PPM1H: variants seen among roughly 807,000 people sequenced by gnomAD.
PPM1H encodes the protein protein phosphatase, Mg2+/Mn2+ dependent 1H.
In PPM1H, 27 loss-of-function variants were observed where a neutral mutation model predicts 54.9. The ratio of observed to expected loss-of-function variants is 0.49; its 90% CI spans 0.36 to 0.68. PPM1H has a LOEUF of 0.68. PPM1H is among the 30% of genes least tolerant of loss of function. The probability of loss-of-function intolerance (pLI) is 0.00; values close to 1 mark genes in which losing one functional copy is unlikely to be tolerated. For missense variants in PPM1H, 596 were observed against 667.8 expected (o/e 0.89, Z 1.19); for synonymous variants, 305 against 270.8 (o/e 1.13, Z -1.24).
At chr12:62,670,392 A>T (rs1308709730) in intron 8 of PPM1H, among the ~76,000 whole-genome samples, 1 of 152,206 alleles carries the variant, frequency 6.6e-6, no homozygotes, top group African/African-American at 2.4e-5. Context: ...TCTCAATCTT[A>T]TGCTTGCAGT....
At chr12:62,740,848 T>C (rs933748315) in intron 4 of PPM1H, among the ~76,000 whole-genome samples, 3 of 152,204 alleles carry the variant, frequency 2.0e-5, no homozygotes, top group Admixed American at 6.5e-5. Flanking sequence ...CAGGGCCCTG[T>C]GTGGTGCACA....
chr12:62,811,029 T>G (rs757091947), intron 2 of PPM1H, among the ~76,000 whole-genome samples: 1 of 152,198 alleles, frequency 6.6e-6, no homozygotes, highest in Non-Finnish European at 1.5e-5. Context: ...ACAAGTGTGA[T>G]GAATGTTAGA....
chr12:62,852,590 T>C (rs1292680448), intron 1 of PPM1H, among the ~76,000 whole-genome samples: 1 of 152,216 alleles, frequency 6.6e-6, no homozygotes, highest in Non-Finnish European at 1.5e-5. Flanking sequence ...GAATTGATAA[T>C]TGGAAAATAA....
chr12:62,833,809 T>C (rs551793265), intron 1 of PPM1H, among the ~76,000 whole-genome samples: 2 of 152,226 alleles, frequency 1.3e-5, no homozygotes, highest in South Asian at 4.1e-4. Flanking sequence ...TTCCCATCTG[T>C]ACATGTGATC....
chr12:62,753,042 G>T (rs1565778401), intron 4 of PPM1H, among the ~76,000 whole-genome samples: 1 of 151,960 alleles, frequency 6.6e-6, no homozygotes, highest in Non-Finnish European at 1.5e-5. Flanking sequence ...ATGAGGTCAG[G>T]GCTAAAAAAG....
chr12:62,659,268 G>GC (rs2075866912), intron 9 of PPM1H: 2 of 14,046 alleles, frequency 1.4e-4, no homozygotes, highest in Non-Finnish European at 2.9e-4. Flanking sequence ...CGTAAAAACT[G>GC]CAAAAAAAAA....
At chr12:62,654,640 T>C (rs897993179) in intron 9 of PPM1H, among the ~76,000 whole-genome samples, 10 of 152,230 alleles carry the variant, frequency 6.6e-5, no homozygotes, top group African/African-American at 2.4e-4. Context: ...CCTCGGTCTC[T>C]CACTCTGCCT....
At chr12:62,658,915 G>A in intron 9 of PPM1H, 3 of 670,740 alleles carry the variant, frequency 4.5e-6, no homozygotes, top group African/African-American at 1.8e-5. Flanking sequence ...TCAAAATTAA[G>A]CGTAACTGGC....
chr12:62,644,577 C>A lies in PPM1H; in HGVS notation c.*3912G>T, dbSNP rs2075774818. ...GTGGATTCGAAAGAGCAGTCCTCTGCAGACCGGCACTCCATCTGACAAAAG... is the reference window on the plus strand; with the variant it reads ...GTGGATTCGAAAGAGCAGTCCTCTGAAGACCGGCACTCCATCTGACAAAAG... On this transcript the variant is annotated 3_prime_UTR_variant, in exon 10 of 10. Transcript: ENST00000228705. 1 of 152,240 alleles carries A rather than the reference C, an allele frequency of 6.6e-6. No homozygotes were observed. Among genetic ancestry groups the A allele is most frequent in the African/African-American group, 2.4e-5 (1 of 41,464 alleles). 9.4% of individuals were successfully genotyped at this position (152,240 alleles called of 1,614,324 possible). A position where few individuals can be genotyped will look rare whatever the true frequency, so the allele number is the denominator to read the frequency against.
chr12:62,831,695 C>T (rs554944875), intron 2 of PPM1H, among the ~76,000 whole-genome samples: 1 of 138,586 alleles, frequency 7.2e-6, no homozygotes, highest in Admixed American at 7.1e-5. Flanking sequence ...AACCGTCAAA[C>T]ATTGTGTGTG....
intron 8 of PPM1H, among the ~76,000 whole-genome samples, chr12:62,668,494 G>GCCTCCC (rs1023269987): frequency 1.4e-4 from 21 of 152,288 alleles, no homozygotes; most frequent in African/African-American, 4.6e-4. Flanking sequence ...TCCCGCTTCA[G>GCCTCCC]CCTCCCAAGT....
chr12:62,776,625 A>G (rs1393863861), intron 4 of PPM1H, among the ~76,000 whole-genome samples: 2 of 152,204 alleles, frequency 1.3e-5, no homozygotes, highest in Admixed American at 6.5e-5. Flanking sequence ...AGCCCCTTCC[A>G]CAAATGGGAA....
At position 62,934,787 on chromosome 12, in the gene PPM1H, G is replaced by A. The variant is rs1872272961; in HGVS notation, c.-51C>T. 1.4e-6 allele frequency: 2 copies of A among 1,431,326 alleles called. No individual in the cohort carries two copies. Among genetic ancestry groups the A allele is most frequent in the Non-Finnish European group, 1.8e-6 (2 of 1,090,078 alleles). The allele number at this position is 1,431,326 out of a possible 1,614,324, so 88.7% of individuals were successfully genotyped here. A position where few individuals can be genotyped will look rare whatever the true frequency, so the allele number is the denominator to read the frequency against. Reference sequence around the variant, plus strand: ...GTGCGAGCAGGAGGCGGCGGGGGCCGGGCAAGGCGCAGCGCGGGGCATGCA... The same window carrying A: ...GTGCGAGCAGGAGGCGGCGGGGGCCAGGCAAGGCGCAGCGCGGGGCATGCA... On this transcript the variant is annotated 5_prime_UTR_variant, in exon 1 of 10. Coordinates refer to ENST00000228705, the MANE Select transcript of PPM1H (RefSeq NM_020700.2). This position sits in a 1 kb window ranked among gnomAD's most constrained non-coding sequence, Gnocchi z 4.2.
chr12:62,898,915 C>T (rs1250440491), intron 1 of PPM1H, among the ~76,000 whole-genome samples: 2 of 152,072 alleles, frequency 1.3e-5, no homozygotes, highest in Non-Finnish European at 2.9e-5. Flanking sequence ...GAGAAGCAGC[C>T]GTCCACTGGG....
At chr12:62,883,073 C>A (rs1002146180) in intron 1 of PPM1H, among the ~76,000 whole-genome samples, 12 of 152,192 alleles carry the variant, frequency 7.9e-5, no homozygotes, top group African/African-American at 2.9e-4. Context: ...ATGTATACTT[C>A]TTGAGGTCAG....
intron 3 of PPM1H, among the ~76,000 whole-genome samples, chr12:62,795,016 A>G (rs1417890278): frequency 6.6e-6 from 1 of 152,130 alleles, no homozygotes; most frequent in Non-Finnish European, 1.5e-5. Flanking sequence ...CTGAGATACA[A>G]TCAGGGGGTT....
intron 1 of PPM1H, among the ~76,000 whole-genome samples, chr12:62,868,391 C>T (rs537926253): frequency 7.9e-5 from 12 of 152,258 alleles, no homozygotes; most frequent in African/African-American, 1.2e-4. Context: ...CCTGCCTCGG[C>T]GACTCAGGCA....
rs578065918 is a variant in PPM1H at position 62,679,787 on chromosome 12, G to A, written c.1245+9912C>T. On this transcript the variant is annotated intron_variant, in intron 8 of 9. Coordinates refer to ENST00000228705, the MANE Select transcript of PPM1H (RefSeq NM_020700.2). Reference sequence around the variant, plus strand: ...AGAACTCACAGGGTCTGATCTGAGCGCAGGTCCCCAGTACTTAAGTTTAAT... The same window carrying A: ...AGAACTCACAGGGTCTGATCTGAGCACAGGTCCCCAGTACTTAAGTTTAAT... 3.9e-5 allele frequency among the ~76,000 whole-genome samples: 6 copies of A among 152,286 alleles called. No homozygotes were observed. In the South Asian group the frequency reaches 8.3e-4, roughly 21 times the overall value.
chr12:62,784,885 C>T (rs965715762), intron 4 of PPM1H, among the ~76,000 whole-genome samples: 2 of 152,188 alleles, frequency 1.3e-5, no homozygotes, highest in African/African-American at 4.8e-5. Flanking sequence ...CTTTGGATAG[C>T]ACATAAAAAT....
Sources: gnomAD v4.1 joint callset for allele counts (sites outside exome capture counted in the v4.1 genomes callset) on GRCh38, gnomAD v4.1.1 for gene constraint, Gnocchi (gnomAD v3.1) non-coding constraint, MANE v1.5 for transcripts, NCBI Gene and HGNC (gene_info 2026-07-23, HGNC 2026-07-21) for gene names.